The following KDM4C variants were observed in gnomAD, a reference collection of about 807,000 sequenced individuals.
KDM4C encodes the protein lysine demethylase 4C.
A neutral mutation model predicts 129.3 loss-of-function variants in KDM4C; 81 were observed. The observed-to-expected ratio is 0.63, with a 90% CI of 0.52 to 0.75. The LOEUF is 0.75. KDM4C is among the 30% of genes least tolerant of loss of function. KDM4C has a pLI of 0.00. For missense variants in KDM4C, 1,457 were observed against 1,304.0 expected, an observed-to-expected ratio of 1.12 and a Z score of -1.81; for synonymous variants, 573 against 456.1, an observed-to-expected ratio of 1.26 and a Z score of -3.26.
Position 7,011,981 on chromosome 9 carries a change from A to G in KDM4C, c.1968+102A>G, listed in dbSNP as rs568255669. On this transcript the variant is annotated intron_variant, in intron 13 of 21. Transcript: ENST00000381309. ...TTGTTGTGGGCTTCCTTTGCACATA[A>G]GAAGGAAGACGTCCTTAGGTAGCTG... is the stretch of plus-strand genomic sequence containing the variant. 1.4e-5 allele frequency: 13 copies of G among 942,720 alleles called. No individual in the cohort carries two copies. The African/African-American group carries it at 2.1e-4, about 15-fold the overall frequency. 58.4% of individuals were successfully genotyped at this position (942,720 alleles called of 1,614,324 possible).
intron 8 of KDM4C, among the ~76,000 whole-genome samples, chr9:6,956,567 A>T (rs1279580107): frequency 6.6e-6 from 1 of 152,132 alleles, no homozygotes; most frequent in Non-Finnish European, 1.5e-5. Context: ...AAATAACATT[A>T]TTTTGGGACA....
intron 8 of KDM4C, among the ~76,000 whole-genome samples, chr9:6,960,768 A>G (rs189620351): frequency 1.3e-5 from 2 of 152,196 alleles, no homozygotes; most frequent in Non-Finnish European, 2.9e-5. Flanking sequence ...GACCCAGTGC[A>G]GACATTCTCA....
At chr9:6,828,366 C>T (rs1042895049) in intron 4 of KDM4C, among the ~76,000 whole-genome samples, 2 of 151,980 alleles carry the variant, frequency 1.3e-5, no homozygotes, top group African/African-American at 4.8e-5. Flanking sequence ...ACAGGCTGGT[C>T]TCAATCTCCT....
chr9:6,934,399 G>C (rs1159170145), intron 8 of KDM4C, among the ~76,000 whole-genome samples: 1 of 150,912 alleles, frequency 6.6e-6, no homozygotes, highest in Non-Finnish European at 1.5e-5. Context: ...AGAATGGCGT[G>C]AACCCGGGAG....
At chr9:6,997,511 C>G (rs568084705) in intron 12 of KDM4C, among the ~76,000 whole-genome samples, 2 of 152,262 alleles carry the variant, frequency 1.3e-5, no homozygotes, top group African/African-American at 4.8e-5. Context: ...AAGTTTATAC[C>G]TCTTCTTCTA....
At chr9:6,739,398 C>G (rs1003197110) in intron 1 of KDM4C, among the ~76,000 whole-genome samples, 1 of 151,660 alleles carries the variant, frequency 6.6e-6, no homozygotes, top group African/African-American at 2.4e-5. Flanking sequence ...AATTTGTGAC[C>G]CAGAAAATCC....
At chr9:6,993,231 A>G (rs1029877918) in intron 12 of KDM4C, among the ~76,000 whole-genome samples, 1 of 152,236 alleles carries the variant, frequency 6.6e-6, no homozygotes, top group Non-Finnish European at 1.5e-5. Context: ...GTATCTTTAC[A>G]TAAAAATTAG....
chr9:6,738,158 A>C (rs954330566), intron 1 of KDM4C, among the ~76,000 whole-genome samples: 5 of 147,668 alleles, frequency 3.4e-5, no homozygotes, highest in Non-Finnish European at 1.5e-5. Context: ...ACTAAACTAA[A>C]CTAAACTAAA....
chr9:7,156,303 T>A (rs1055934015), intron 19 of KDM4C, among the ~76,000 whole-genome samples: 1 of 152,224 alleles, frequency 6.6e-6, no homozygotes, highest in Non-Finnish European at 1.5e-5. Context: ...TTCTGTAGGT[T>A]GCCTGTTCAC....
chr9:6,836,537 T>C (rs1352834450), intron 4 of KDM4C, among the ~76,000 whole-genome samples: 1 of 152,198 alleles, frequency 6.6e-6, no homozygotes, highest in African/African-American at 2.4e-5. Context: ...CACTCTTTTT[T>C]AGTCCTTTCC....
intron 15 of KDM4C, among the ~76,000 whole-genome samples, chr9:7,027,807 A>T (rs1389700695): frequency 1.3e-5 from 2 of 152,210 alleles, no homozygotes. Context: ...AAACCAGAAG[A>T]CACAGTACTT....
At chr9:6,888,099 T>G in intron 7 of KDM4C, 36 bp downstream of exon 7, 1 of 1,155,548 alleles carries the variant, frequency 8.7e-7, no homozygotes, top group East Asian at 2.5e-5. Context: ...ATTAATTTTG[T>G]TTGTGTAGGA....
intron 7 of KDM4C, 47 bp from the exon 8 acceptor site, chr9:6,893,048 T>C: frequency 7.4e-7 from 1 of 1,342,528 alleles, no homozygotes. Context: ...ATTCATAATT[T>C]AGGAAGTCTT....
upstream of KDM4C, among the ~76,000 whole-genome samples, chr9:6,754,975 C>T (rs554744047): frequency 2.0e-5 from 3 of 151,958 alleles, no homozygotes; most frequent in South Asian, 2.1e-4. Flanking sequence ...TGGTGGCTCA[C>T]GTCTGTAATC....
chr9:6,787,575 G>T (rs560874313), intron 1 of KDM4C, among the ~76,000 whole-genome samples: 1 of 152,168 alleles, frequency 6.6e-6, no homozygotes, highest in Admixed American at 6.5e-5. Context: ...ATCTTGATTC[G>T]TATTTCTCTT....
chr9:6,915,204 T>C (rs1041227107), intron 8 of KDM4C, among the ~76,000 whole-genome samples: 2 of 152,250 alleles, frequency 1.3e-5, no homozygotes, highest in East Asian at 1.9e-4. Flanking sequence ...TATTGTCTTA[T>C]TGGTAAAAAT....
chr9:6,986,718 T>G (rs751376653), intron 11 of KDM4C, 52 bp downstream of exon 11: 1 of 1,335,154 alleles, frequency 7.5e-7, no homozygotes, highest in Non-Finnish European at 1.0e-6. Context: ...TGAGAGCACA[T>G]TTTGAAAACA....
At chr9:6,739,265 G>A (rs1302520503) in intron 1 of KDM4C, among the ~76,000 whole-genome samples, 1 of 151,786 alleles carries the variant, frequency 6.6e-6, no homozygotes, top group East Asian at 1.9e-4. Context: ...TAGATATGGG[G>A]TTTCACCATG....
At chr9:6,952,311 A>C (rs1828292872) in intron 8 of KDM4C, among the ~76,000 whole-genome samples, 1 of 151,964 alleles carries the variant, frequency 6.6e-6, no homozygotes, top group Non-Finnish European at 1.5e-5. Flanking sequence ...AAATAAATCA[A>C]TCGTGGTACA....
Sources: allele counts gnomAD v4.1 joint callset (sites outside exome capture counted in the v4.1 genomes callset), GRCh38; gene constraint gnomAD v4.1.1; transcripts MANE v1.5; gene names NCBI Gene and HGNC (gene_info 2026-07-23, HGNC 2026-07-21).